The following KDM5A variants were observed in gnomAD, a reference collection of about 807,000 sequenced individuals.
The protein encoded by KDM5A is lysine-specific demethylase 5A.
In KDM5A, 42 loss-of-function variants were observed where a neutral mutation model predicts 193.5. The observed-to-expected ratio is 0.22, with a 90% CI of 0.17 to 0.28. The LOEUF (loss-of-function observed/expected upper bound fraction) is 0.28. Among genes scored for constraint, KDM5A ranks in the 10% least tolerant of loss-of-function variants. KDM5A has a pLI of 1.00. For missense variants in KDM5A, 1,692 were observed against 2,055.1 expected (o/e 0.82, Z 3.42); for synonymous variants, 796 against 718.1 (o/e 1.11, Z -1.73).
In KDM5A at chr12:357,827, CAAAAAAAA is replaced by C. The variant is rs61577928; in HGVS notation, c.673-1298_673-1291del. On this transcript the variant is annotated intron_variant, in intron 5 of 27. Transcript: ENST00000399788. ...TGGGCGACAGAGCAAGACTCAGTCT[CAAAAAAAA>C]AAAAAAAAAAAAAAAAAAAGCCCTT... 8.9e-3 allele frequency among the ~76,000 whole-genome samples: 266 copies of C among 29,874 alleles called. 7 individuals are homozygous for C. The East Asian group carries it at 0.15, about 17-fold the overall frequency. 19.6% of individuals were successfully genotyped at this position (29,874 alleles called of 152,430 possible). A position where few individuals can be genotyped will look rare whatever the true frequency, so the allele number is the denominator to read the frequency against.
chr12:378,605 TA>T (rs1240551255), intron 3 of KDM5A, among the ~76,000 whole-genome samples: 2 of 151,898 alleles, frequency 1.3e-5, no homozygotes, highest in Admixed American at 1.3e-4. Flanking sequence ...TTAATAAAAA[TA>T]AAAATGTTTT....
chr12:387,529 G>A (rs10774154), intron 1 of KDM5A, among the ~76,000 whole-genome samples: 128,570 of 152,174 alleles, frequency 0.84, 54,628 homozygotes, highest in African/African-American at 0.93. Context: ...ATGGCAATGC[G>A]TATCATCATA....
chr12:365,869 T>C, intron 4 of KDM5A, 65 bp downstream of exon 4: 1 of 1,537,608 alleles, frequency 6.5e-7, no homozygotes, highest in Non-Finnish European at 9.0e-7. Context: ...TTAAACACAG[T>C]CTAAAGTTTG....
chr12:298,239 C>G (rs747808376), intron 24 of KDM5A, among the ~76,000 whole-genome samples: 2 of 152,224 alleles, frequency 1.3e-5, no homozygotes, highest in Non-Finnish European at 2.9e-5. Context: ...GGCCCCCGTG[C>G]ATCCTGACGG....
At chr12:309,762 G>A (rs770301702) in intron 22 of KDM5A, 41 bp downstream of exon 22, 1 of 1,601,724 alleles carries the variant, frequency 6.2e-7, no homozygotes, top group South Asian at 1.1e-5. Flanking sequence ...ACAGAGTTTT[G>A]TATTCACCAA....
intron 27 of KDM5A, among the ~76,000 whole-genome samples, chr12:292,183 C>T (rs76630512): frequency 0.022 from 3,320 of 152,202 alleles, 97 homozygotes; most frequent in African/African-American, 0.075. Context: ...GGATTACAGG[C>T]GTGAGCCACA....
At chr12:384,790 C>T (rs1161933777) in intron 2 of KDM5A, among the ~76,000 whole-genome samples, 5 of 152,318 alleles carry the variant, frequency 3.3e-5, no homozygotes, top group Non-Finnish European at 5.9e-5. Flanking sequence ...AACGTTCTGT[C>T]ATTTCATCCA....
intron 24 of KDM5A, among the ~76,000 whole-genome samples, chr12:301,219 CAACAA>C (rs1169940553): frequency 6.6e-6 from 1 of 152,006 alleles, no homozygotes; most frequent in Non-Finnish European, 1.5e-5. Context: ...GGCAGAGACA[CAACAA>C]AAAAAGAGAA....
chr12:304,370 T>C (rs1426889024), intron 24 of KDM5A, among the ~76,000 whole-genome samples: 2 of 150,428 alleles, frequency 1.3e-5, no homozygotes, highest in African/African-American at 2.4e-5. Flanking sequence ...CCAGGTCAAA[T>C]GCAAATAAAC....
intron 4 of KDM5A, among the ~76,000 whole-genome samples, chr12:363,632 A>C (rs1211632809): frequency 2.6e-5 from 4 of 152,218 alleles, no homozygotes; most frequent in African/African-American, 7.2e-5. Flanking sequence ...AAAAAGCCTC[A>C]AAATGCATCA....
chr12:322,075 C>G (rs1943724185), intron 17 of KDM5A, among the ~76,000 whole-genome samples: 1 of 152,132 alleles, frequency 6.6e-6, no homozygotes, highest in Non-Finnish European at 1.5e-5. Flanking sequence ...CCCTTGCCAA[C>G]AAAGTGACAT....
chr12:311,021 G>C lies in KDM5A; in HGVS notation c.3080C>G (p.Ser1027Cys), dbSNP rs774252393. 8 of 1,614,178 alleles carry C rather than the reference G, an allele frequency of 5.0e-6. No individual in the cohort carries two copies. In the South Asian group the frequency reaches 7.7e-5, roughly 16 times the overall value. ...YAYLEQLESL[S>C]AKGRPIPVRL... ...CACAGGAATAGGGCGTCCTTTCGCA[G>C]ACAAGCTCTCAAGCTGCTCCAAATA... Residue 1027 changes from serine to cysteine, a missense_variant, in exon 21 of 28, where the codon TCT becomes TGT. Ser to Cys is a moderately radical substitution (Grantham distance 112). Transcript: ENST00000399788.
At chr12:322,970 T>A (rs995095593) in intron 16 of KDM5A, 112 bp downstream of exon 16, 22 of 1,393,100 alleles carry the variant, frequency 1.6e-5, no homozygotes, top group Non-Finnish European at 2.2e-5. Flanking sequence ...TCAAATCTCA[T>A]AGGAAGCCTA....
chr12:323,124 G>A lies in KDM5A; in HGVS notation c.2233C>T (p.Arg745Cys), dbSNP rs769805545. 13 of 1,551,642 alleles carry A rather than the reference G, an allele frequency of 8.4e-6. No individual in the cohort carries two copies. Among genetic ancestry groups the A allele is most frequent in the Middle Eastern group, 3.5e-4 (2 of 5,724 alleles). Residue 745 changes from arginine to cysteine, a missense_variant, in exon 16 of 28, where the codon CGT becomes TGT. Physicochemically the swap from Arg to Cys is radical, Grantham distance 180. Around this residue, in one of 11 missense-constraint regions of KDM5A, gnomAD observed 965 missense variants for 1,061.0 expected, o/e 0.91. Transcript: ENST00000399788. ...TTAGCAGACAATGCTTCTGTAACACGACTGACCCAAGTGTCATAGGACTGT... is the reference window on the plus strand; with the variant it reads ...TTAGCAGACAATGCTTCTGTAACACAACTGACCCAAGTGTCATAGGACTGT... The part of the protein sequence containing the change: ...RAQSYDTWVS[R>C]VTEALSANFN...
chr12:383,754 CT>C (rs999858391), intron 3 of KDM5A, among the ~76,000 whole-genome samples: 72 of 145,368 alleles, frequency 5.0e-4, no homozygotes, highest in East Asian at 6.0e-4. Flanking sequence ...TTTCATTGTC[CT>C]TTTTTTTTTT....
intron 14 of KDM5A, among the ~76,000 whole-genome samples, chr12:326,651 G>A (rs1246532971): frequency 6.6e-6 from 1 of 152,104 alleles, no homozygotes; most frequent in East Asian, 1.9e-4. Context: ...CACGAGGTCA[G>A]GAGATCGAGA....
rs534139481 is a variant in KDM5A, at chr12:346,056, T to G, written c.1308+4565A>C. ...AAAAAGAAAGGAGAGAAGAATCAAA[T>G]AGATGCAATAAAAAATGATAAAGGG... On this transcript the variant is annotated intron_variant, in intron 10 of 27. Coordinates refer to ENST00000399788, the MANE Select transcript of KDM5A (RefSeq NM_001042603.3). Among the ~76,000 whole-genome samples the G allele has an allele frequency of 1.1e-3, 174 of 152,036 alleles. 1 individual carries two copies. The highest frequency in any genetic ancestry group is 3.5e-3 in the African/African-American group (147 of 41,472).
chr12:329,317 T>A (rs1943833924), intron 13 of KDM5A: 1 of 428,678 alleles, frequency 2.3e-6, no homozygotes, highest in Admixed American at 3.7e-5. Flanking sequence ...CTTTGGTATA[T>A]AACTGAGGCA....
Position 283,063 on chromosome 12 carries a change from A to G in KDM5A, c.*2393T>C. The G allele has an allele frequency of 4.3e-6, 1 of 231,514 alleles. No homozygotes were observed. The highest frequency in any genetic ancestry group is 6.1e-5 in the East Asian group (1 of 16,276). 14.3% of individuals were successfully genotyped at this position (231,514 alleles called of 1,614,324 possible). ...AAGTTTCAAAACGTCAGAAGGTGAC[A>G]GGAAGCTATTCATACTTTCTCAGCA... On this transcript the variant is annotated 3_prime_UTR_variant, in exon 28 of 28. Transcript: ENST00000399788.
Sources: gnomAD v4.1 joint callset for allele counts (sites outside exome capture counted in the v4.1 genomes callset) on GRCh38, gnomAD v4.1.1 for gene constraint, gnomAD v4.1.1 regional missense constraint, MANE v1.5 for transcripts, NCBI Gene and HGNC (gene_info 2026-07-23, HGNC 2026-07-21) for gene names.